TMEM232: variants seen among roughly 807,000 people sequenced by gnomAD.
TMEM232 encodes transmembrane protein 232.
In TMEM232, 80 loss-of-function variants were observed where a neutral mutation model predicts 78.8. That is an observed-to-expected ratio of 1.01 (90% confidence interval 0.85 to 1.22). The LOEUF is 1.22. TMEM232 is among the 50% of genes most tolerant of loss of function. TMEM232 has a pLI of 0.00. For synonymous variants in TMEM232, 297 were observed against 254.3 expected (o/e 1.17, Z -1.60); for missense variants, 881 against 742.2 (o/e 1.19, Z -2.17).
chr5:110,686,158 C>A (rs1227866075), intron 1 of TMEM232, among the ~76,000 whole-genome samples: 2 of 152,036 alleles, frequency 1.3e-5, no homozygotes, highest in East Asian at 1.9e-4. Context: ...GAGATAGAGT[C>A]TAATCCCAAT....
At chr5:110,669,072 G>A (rs1361587644) in intron 1 of TMEM232, among the ~76,000 whole-genome samples, 2 of 152,120 alleles carry the variant, frequency 1.3e-5, no homozygotes, top group Non-Finnish European at 2.9e-5. Context: ...AAAAGAACTA[G>A]AGAAGCAAGA....
chr5:110,452,333 C>G (rs1355115958), intron 12 of TMEM232, among the ~76,000 whole-genome samples: 1 of 151,998 alleles, frequency 6.6e-6, no homozygotes, highest in Non-Finnish European at 1.5e-5. Flanking sequence ...TTAGTTTTAC[C>G]TCAATACTCC....
At chr5:110,504,951 T>C (rs994891139) in intron 12 of TMEM232, among the ~76,000 whole-genome samples, 3 of 152,218 alleles carry the variant, frequency 2.0e-5, no homozygotes, top group African/African-American at 7.2e-5. Flanking sequence ...CTTATTTTCA[T>C]ACAAGAAACT....
intron 1 of TMEM232, among the ~76,000 whole-genome samples, chr5:110,670,036 G>A (rs1348989724): frequency 1.3e-5 from 2 of 152,124 alleles, no homozygotes; most frequent in East Asian, 3.9e-4. Flanking sequence ...TACTGAATGG[G>A]CAAAAACTGG....
rs944409967 is a variant in TMEM232 at position 110,402,569 on chromosome 5, G to T, written n.309-4715C>A. On this transcript the variant is annotated intron_variant and non_coding_transcript_variant, in intron 2 of 8. Transcript: ENST00000507188. ...GAATTTATCAGAAGACTAGGGGATG[G>T]CACCACAATCAGTGACAGGACTTGG... Among the ~76,000 whole-genome samples the T allele has an allele frequency of 1.4e-4, 22 of 152,036 alleles. 1 individual carries two copies. The highest frequency in any genetic ancestry group is 1.0e-3 in the Admixed American group (16 of 15,250).
intron 9 of TMEM232, 44 bp from the exon 10 acceptor site, chr5:110,605,402 G>A (rs745724788): frequency 2.0e-6 from 3 of 1,510,604 alleles, no homozygotes; most frequent in South Asian, 2.6e-5. Flanking sequence ...GTATATCTTT[G>A]CATATCAATA....
intron 12 of TMEM232, among the ~76,000 whole-genome samples, chr5:110,488,964 G>A (rs78534000): frequency 0.014 from 2,107 of 151,954 alleles, 41 homozygotes; most frequent in African/African-American, 0.048. Flanking sequence ...GATTGAAATA[G>A]ATGAATACCT....
At chr5:110,705,660 A>C (rs1051368488) in intron 1 of TMEM232, among the ~76,000 whole-genome samples, 10 of 134,998 alleles carry the variant, frequency 7.4e-5, no homozygotes, top group African/African-American at 2.3e-4. Flanking sequence ...TTTTTTCTGA[A>C]AAATTACTAC....
At chr5:110,497,714 C>T (rs897089171) in intron 12 of TMEM232, among the ~76,000 whole-genome samples, 2 of 152,058 alleles carry the variant, frequency 1.3e-5, no homozygotes, top group African/African-American at 4.8e-5. Context: ...CTGATGTTTC[C>T]CCCACCTGGC....
chr5:110,460,058 G>A (rs1158156105), intron 12 of TMEM232, among the ~76,000 whole-genome samples: 2 of 152,132 alleles, frequency 1.3e-5, no homozygotes, highest in African/African-American at 4.8e-5. Context: ...ATCCTGGACT[G>A]AATCCTGAAC....
chr5:110,581,196 C>T, intron 10 of TMEM232, among the ~76,000 whole-genome samples: 1 of 151,622 alleles, frequency 6.6e-6, no homozygotes. Flanking sequence ...TGAAAAATAG[C>T]CCAAATTGCC....
upstream of TMEM232, chr5:110,726,776 TCCA>T (rs1192256994): frequency 6.6e-6 from 1 of 152,224 alleles, no homozygotes; most frequent in Non-Finnish European, 1.5e-5. Flanking sequence ...CTGTCCCGTC[TCCA>T]CCACATTTGT....
At chr5:110,524,294 G>C (rs1480671927) in intron 12 of TMEM232, among the ~76,000 whole-genome samples, 1 of 136,414 alleles carries the variant, frequency 7.3e-6, no homozygotes, top group Non-Finnish European at 1.6e-5. Context: ...GAGAGAGGGA[G>C]AAAGAAATAA....
chr5:110,642,192 G>T, intron 3 of TMEM232, 68 bp downstream of exon 3: 1 of 874,202 alleles, frequency 1.1e-6, no homozygotes, highest in Non-Finnish European at 1.7e-6. Flanking sequence ...AAATATTTTA[G>T]AATGTGTAAT....
At chr5:110,594,411 G>A (rs1461085702) in intron 10 of TMEM232, among the ~76,000 whole-genome samples, 2 of 151,900 alleles carry the variant, frequency 1.3e-5, no homozygotes, top group Non-Finnish European at 2.9e-5. Context: ...AGCTGCAGGA[G>A]TTTTTTTTCA....
intron 12 of TMEM232, among the ~76,000 whole-genome samples, chr5:110,447,526 C>T (rs1022191696): frequency 2.0e-5 from 3 of 152,180 alleles, no homozygotes; most frequent in African/African-American, 2.4e-5. Context: ...AGAAAACCTA[C>T]AAATAACTTC....
chr5:110,471,300 A>G (rs1325116713), intron 12 of TMEM232, among the ~76,000 whole-genome samples: 1 of 152,140 alleles, frequency 6.6e-6, no homozygotes, highest in African/African-American at 2.4e-5. Flanking sequence ...TGGGAATTCC[A>G]GAAGGAAAAG....
intron 2 of TMEM232, among the ~76,000 whole-genome samples, chr5:110,656,393 T>C: frequency 6.6e-6 from 1 of 152,204 alleles, no homozygotes; most frequent in Non-Finnish European, 1.5e-5. Context: ...CACAGCCTTA[T>C]ATCCTTATGT....
At chr5:110,721,425 T>A (rs776238464) in intron 1 of TMEM232, among the ~76,000 whole-genome samples, 1 of 151,520 alleles carries the variant, frequency 6.6e-6, no homozygotes, top group Non-Finnish European at 1.5e-5. Flanking sequence ...TTTGTCATAA[T>A]GTCTAGGGTT....
Sources: allele counts gnomAD v4.1 joint callset (sites outside exome capture counted in the v4.1 genomes callset), GRCh38; gene constraint gnomAD v4.1.1; transcripts MANE v1.5; gene names NCBI Gene and HGNC (gene_info 2026-07-23, HGNC 2026-07-21).